ERC2: variants seen among roughly 807,000 people sequenced by gnomAD.
ERC2 encodes the protein ELKS/RAB6-interacting/CAST family member 2, also known as ERC protein 2.
In ERC2, 42 loss-of-function variants were observed where a neutral mutation model predicts 114.8. That is an observed-to-expected ratio of 0.37 (90% confidence interval 0.29 to 0.47). The LOEUF (loss-of-function observed/expected upper bound fraction) is 0.47. ERC2 is among the 20% of genes least tolerant of loss of function. The probability of loss-of-function intolerance (pLI) is 0.99; values close to 1 mark genes in which losing one functional copy is unlikely to be tolerated. For synonymous variants in ERC2, 454 were observed against 425.5 expected (o/e 1.07, Z -0.82); for missense variants, 939 against 1,150.7 (o/e 0.82, Z 2.66).
At chr3:55,760,159 G>A (rs935917352) in intron 14 of ERC2, among the ~76,000 whole-genome samples, 5 of 152,138 alleles carry the variant, frequency 3.3e-5, no homozygotes, top group Non-Finnish European at 5.9e-5. Flanking sequence ...TGACATCAAA[G>A]AACCTGTAAT....
intron 17 of ERC2, among the ~76,000 whole-genome samples, chr3:55,520,659 C>T (rs2052863858): frequency 6.6e-6 from 1 of 152,172 alleles, no homozygotes; most frequent in African/African-American, 2.4e-5. Flanking sequence ...GTGAACATTT[C>T]ACTGGGGCAC....
chr3:56,261,596 C>G (rs1490682272), intron 3 of ERC2, among the ~76,000 whole-genome samples: 1 of 152,198 alleles, frequency 6.6e-6, no homozygotes, highest in Non-Finnish European at 1.5e-5. Context: ...CTCTGGCTAT[C>G]CCATCCCATT....
At chr3:55,580,678 A>G (rs2057217887) in intron 17 of ERC2, among the ~76,000 whole-genome samples, 1 of 152,298 alleles carries the variant, frequency 6.6e-6, no homozygotes, top group East Asian at 1.9e-4. Context: ...ACATGGTCCT[A>G]GAGATGCTTA....
chr3:56,431,706 T>C (rs962164921), intron 2 of ERC2, among the ~76,000 whole-genome samples: 18 of 152,234 alleles, frequency 1.2e-4, no homozygotes, highest in African/African-American at 4.3e-4. Context: ...TGTCAATCTT[T>C]ATATTTTTTA....
intron 2 of ERC2, among the ~76,000 whole-genome samples, chr3:56,361,346 C>T (rs1560670506): frequency 1.3e-5 from 2 of 152,078 alleles, no homozygotes; most frequent in Non-Finnish European, 2.9e-5. Flanking sequence ...TTCAAGAGTT[C>T]CAATGAGGCA....
At chr3:55,711,743 T>C (rs2063788974) in intron 15 of ERC2, among the ~76,000 whole-genome samples, 1 of 152,216 alleles carries the variant, frequency 6.6e-6, no homozygotes. Flanking sequence ...TTTCCAACAA[T>C]GCTTAAAACA....
At chr3:56,223,272 G>T (rs1197054877) in intron 3 of ERC2, among the ~76,000 whole-genome samples, 1 of 152,174 alleles carries the variant, frequency 6.6e-6, no homozygotes, top group Non-Finnish European at 1.5e-5. Flanking sequence ...CCCACTGGAG[G>T]AGATTCCTTT....
At chr3:55,762,544 TA>T (rs2067517096) in intron 14 of ERC2, among the ~76,000 whole-genome samples, 1 of 152,122 alleles carries the variant, frequency 6.6e-6, no homozygotes. Context: ...TTATTTTTTT[TA>T]AAAAGTAATA....
chr3:55,725,188 A>G (rs1381461720), intron 15 of ERC2, among the ~76,000 whole-genome samples: 1 of 152,166 alleles, frequency 6.6e-6, no homozygotes, highest in Non-Finnish European at 1.5e-5. Flanking sequence ...TCACTCTGAA[A>G]TTTAAAAATC....
intron 17 of ERC2, among the ~76,000 whole-genome samples, chr3:55,556,013 A>C (rs1342246271): frequency 6.6e-6 from 1 of 152,162 alleles, no homozygotes; most frequent in East Asian, 1.9e-4. Context: ...TCACAATGAA[A>C]AGTACACTGG....
intron 15 of ERC2, among the ~76,000 whole-genome samples, chr3:55,729,539 A>G (rs2065115890): frequency 6.6e-6 from 1 of 151,974 alleles, no homozygotes; most frequent in Non-Finnish European, 1.5e-5. Context: ...TTCTCCCCCT[A>G]TTAAAAAGTA....
intron 3 of ERC2, among the ~76,000 whole-genome samples, chr3:56,233,534 C>T (rs1011079998): frequency 6.6e-6 from 1 of 151,892 alleles, no homozygotes; most frequent in Admixed American, 6.6e-5. Flanking sequence ...ATCCCAGCTA[C>T]TCCAGAGGCT....
intron 3 of ERC2, among the ~76,000 whole-genome samples, chr3:56,231,855 A>G (rs1290107059): frequency 7.0e-6 from 1 of 142,014 alleles, no homozygotes. Context: ...TCCCCTAGAT[A>G]AGAAAGGAAA....
chr3:56,449,310 C>T (rs979593311), intron 1 of ERC2, among the ~76,000 whole-genome samples: 3 of 152,172 alleles, frequency 2.0e-5, no homozygotes, highest in African/African-American at 4.8e-5. Context: ...GTACCCAGAG[C>T]GGACTCTAGA....
intron 17 of ERC2, among the ~76,000 whole-genome samples, chr3:55,633,007 T>C (rs1357265698): frequency 6.6e-6 from 1 of 152,162 alleles, no homozygotes; most frequent in Non-Finnish European, 1.5e-5. Context: ...ACCTGTCTAT[T>C]TATCCATCTA....
At chr3:56,260,737 C>T (rs1294805160) in intron 3 of ERC2, among the ~76,000 whole-genome samples, 5 of 152,246 alleles carry the variant, frequency 3.3e-5, no homozygotes, top group Non-Finnish European at 7.3e-5. Flanking sequence ...ATGTTCCACT[C>T]CAGATCAGCC....
intron 17 of ERC2, among the ~76,000 whole-genome samples, chr3:55,677,241 A>G (rs769297380): frequency 3.3e-5 from 5 of 152,222 alleles, no homozygotes. Flanking sequence ...ATACTCTCCA[A>G]CAATCAAACT....
At chr3:55,766,182 G>A (rs1180261222) in intron 14 of ERC2, among the ~76,000 whole-genome samples, 1 of 151,740 alleles carries the variant, frequency 6.6e-6, no homozygotes, top group Non-Finnish European at 1.5e-5. Context: ...CTGTGGCCAA[G>A]GGCTGGCAAC....
chr3:55,561,026 C>T (rs897368060), intron 17 of ERC2, among the ~76,000 whole-genome samples: 1 of 152,016 alleles, frequency 6.6e-6, no homozygotes, highest in African/African-American at 2.4e-5. Context: ...GCTTGGGAAA[C>T]CTGAAAGACT....
Sources: allele counts gnomAD v4.1 joint callset (sites outside exome capture counted in the v4.1 genomes callset), GRCh38; gene constraint gnomAD v4.1.1; transcripts MANE v1.5; gene names NCBI Gene and HGNC (gene_info 2026-07-23, HGNC 2026-07-21).